ADGRL2: variants seen among roughly 807,000 people sequenced by gnomAD.
ADGRL2 encodes the protein adhesion G protein-coupled receptor L2.
In ADGRL2, 44 loss-of-function variants were observed where a neutral mutation model predicts 157.4. That is an observed-to-expected ratio of 0.28 (90% CI 0.22 to 0.36). The LOEUF (loss-of-function observed/expected upper bound fraction) is 0.36, where lower values mean the gene tolerates loss of function less well. Among genes scored for constraint, ADGRL2 ranks in the 10% least tolerant of loss-of-function variants. The pLI is 1.00. For missense variants in ADGRL2, 1,510 were observed against 1,768.9 expected (o/e 0.85, Z 2.63); for synonymous variants, 585 against 624.7 (o/e 0.94, Z 0.95).
chr1:81,430,605 C>T (rs1249556984), intron 1 of ADGRL2, among the ~76,000 whole-genome samples: 2 of 152,022 alleles, frequency 1.3e-5, no homozygotes, highest in Non-Finnish European at 2.9e-5. Flanking sequence ...ATGTCTTTCC[C>T]CTCTCCCCCA....
chr1:81,721,705 C>A, intron 1 of ADGRL2: 1 of 1,370,084 alleles, frequency 7.3e-7, no homozygotes, highest in Non-Finnish European at 1.0e-6. Context: ...GGACCCCCCG[C>A]AAAGTGAACG....
chr1:81,718,940 G>C (rs369314329), intron 1 of ADGRL2, among the ~76,000 whole-genome samples: 23 of 152,310 alleles, frequency 1.5e-4, no homozygotes, highest in South Asian at 1.2e-3. Context: ...GACACCAGAG[G>C]CTTAATGAAA....
chr1:81,311,792 A>G (rs1417985690), intron 1 of ADGRL2, among the ~76,000 whole-genome samples: 1 of 152,216 alleles, frequency 6.6e-6, no homozygotes, highest in Non-Finnish European at 1.5e-5. Flanking sequence ...AATATATACT[A>G]TGATTTCTCT....
At chr1:81,344,699 T>C (rs933777228) in intron 1 of ADGRL2, among the ~76,000 whole-genome samples, 2 of 147,146 alleles carry the variant, frequency 1.4e-5, no homozygotes, top group African/African-American at 2.5e-5. Context: ...AAGCAGATTA[T>C]ATTTAAAAGT....
intron 1 of ADGRL2, among the ~76,000 whole-genome samples, chr1:81,701,688 G>T (rs982299201): frequency 1.3e-5 from 2 of 152,126 alleles, no homozygotes; most frequent in African/African-American, 4.8e-5. Context: ...CCCCAAATCT[G>T]GTACTACTAT....
chr1:81,523,085 A>G (rs1349978217), intron 2 of ADGRL2, among the ~76,000 whole-genome samples: 1 of 152,174 alleles, frequency 6.6e-6, no homozygotes, highest in Non-Finnish European at 1.5e-5. Context: ...ATGAGCAAAC[A>G]CTATATGACG....
chr1:81,853,106 T>G (rs2093074806), intron 2 of ADGRL2, among the ~76,000 whole-genome samples: 1 of 152,142 alleles, frequency 6.6e-6, no homozygotes, highest in African/African-American at 2.4e-5. Flanking sequence ...GGGGTATCTG[T>G]TATCACTGAA....
At chr1:81,954,207 G>T (rs1305695159) in intron 10 of ADGRL2, among the ~76,000 whole-genome samples, 1 of 144,130 alleles carries the variant, frequency 6.9e-6, no homozygotes, top group Non-Finnish European at 1.6e-5. Context: ...AGTTGGAAAA[G>T]AATAGCTTTT....
intron 15 of ADGRL2, among the ~76,000 whole-genome samples, chr1:81,969,879 T>C (rs1658203983): frequency 6.6e-6 from 1 of 152,098 alleles, no homozygotes; most frequent in Non-Finnish European, 1.5e-5. Context: ...TAGGATTTTG[T>C]CATTAAAGCA....
chr1:81,504,483 G>A (rs995458967), intron 2 of ADGRL2, among the ~76,000 whole-genome samples: 7 of 151,420 alleles, frequency 4.6e-5, no homozygotes, highest in Non-Finnish European at 1.0e-4. Context: ...TATGTGTTTT[G>A]CTGACTTTTT....
intron 3 of ADGRL2, among the ~76,000 whole-genome samples, chr1:81,690,992 T>C (rs778379813): frequency 6.6e-6 from 1 of 152,184 alleles, no homozygotes; most frequent in Non-Finnish European, 1.5e-5. Context: ...TCTGAAGAAG[T>C]TCCAATCAGC....
At chr1:81,689,189 A>G (rs946912918) in intron 3 of ADGRL2, among the ~76,000 whole-genome samples, 3 of 152,250 alleles carry the variant, frequency 2.0e-5, no homozygotes, top group African/African-American at 7.2e-5. Flanking sequence ...TTCCTCTTAT[A>G]GTGAGTCTGC....
At chr1:81,533,832 G>C (rs1315185583) in intron 2 of ADGRL2, among the ~76,000 whole-genome samples, 1 of 152,200 alleles carries the variant, frequency 6.6e-6, no homozygotes. Context: ...GGCACCAGCA[G>C]TGAATCACTG....
chr1:81,672,392 G>A (rs1333989453), intron 3 of ADGRL2, among the ~76,000 whole-genome samples: 2 of 152,174 alleles, frequency 1.3e-5, no homozygotes, highest in East Asian at 1.9e-4. Context: ...AGTTAACAGT[G>A]TCCTGTGGTA....
At chr1:81,443,935 G>A (rs1557693428) in intron 1 of ADGRL2, among the ~76,000 whole-genome samples, 1 of 152,098 alleles carries the variant, frequency 6.6e-6, no homozygotes, top group African/African-American at 2.4e-5. Context: ...AAGAAAAAAT[G>A]AGTATTTATC....
At chr1:81,459,054 G>A (rs2077867441) in intron 2 of ADGRL2, among the ~76,000 whole-genome samples, 1 of 152,210 alleles carries the variant, frequency 6.6e-6, no homozygotes, top group Non-Finnish European at 1.5e-5. Context: ...CCCAAAAGCA[G>A]ATAGCCATCT....
At chr1:81,383,758 A>G (rs1382947982) in intron 1 of ADGRL2, among the ~76,000 whole-genome samples, 3 of 143,344 alleles carry the variant, frequency 2.1e-5, no homozygotes, top group Non-Finnish European at 3.0e-5. Context: ...AGGTCAGGAG[A>G]TTGAGACCAT....
intron 14 of ADGRL2, among the ~76,000 whole-genome samples, chr1:81,968,819 C>CATTA (rs1657895277): frequency 6.6e-6 from 1 of 152,138 alleles, no homozygotes; most frequent in Non-Finnish European, 1.5e-5. Context: ...TTGGAAAAAT[C>CATTA]ATTAAAATGT....
intron 3 of ADGRL2, among the ~76,000 whole-genome samples, chr1:81,610,153 T>G (rs1051342018): frequency 2.0e-5 from 3 of 151,964 alleles, no homozygotes; most frequent in Non-Finnish European, 4.4e-5. Flanking sequence ...AGATCTATTC[T>G]GATACATTTT....
Sources: gnomAD v4.1 joint callset for allele counts (sites outside exome capture counted in the v4.1 genomes callset) on GRCh38, gnomAD v4.1.1 for gene constraint, MANE v1.5 for transcripts, NCBI Gene and HGNC (gene_info 2026-07-23, HGNC 2026-07-21) for gene names.